Variants in PON1 observed in about 807,000 individuals in gnomAD.
PON1 encodes the protein paraoxonase 1, also known as serum paraoxonase/arylesterase 1.
In PON1, 37 loss-of-function variants were observed where a neutral mutation model predicts 39.2. The ratio of observed to expected loss-of-function variants is 0.94; its 90% CI spans 0.73 to 1.24. The LOEUF is 1.24. Among genes scored for constraint, PON1 ranks in the 50% most tolerant of loss-of-function variants. The probability of loss-of-function intolerance (pLI) is 0.00; values close to 1 mark genes in which losing one functional copy is unlikely to be tolerated. For missense variants in PON1, 397 were observed against 413.5 expected, an observed-to-expected ratio of 0.96 and a Z score of 0.35; for synonymous variants, 148 against 152.2, an observed-to-expected ratio of 0.97 and a Z score of 0.21.
intron 6 of PON1, among the ~76,000 whole-genome samples, chr7:95,306,914 A>C (rs566602414): frequency 6.2e-4 from 95 of 152,104 alleles, no homozygotes; most frequent in Middle Eastern, 3.4e-3. Flanking sequence ...AGCACTGTGC[A>C]TCCCCCCAAC....
At chr7:95,307,313 G>A (rs978440036) in intron 6 of PON1, among the ~76,000 whole-genome samples, 12 of 151,946 alleles carry the variant, frequency 7.9e-5, no homozygotes, top group Admixed American at 3.3e-4. Flanking sequence ...TTGGCCTCCC[G>A]AAGTGCTAGG....
intron 7 of PON1, among the ~76,000 whole-genome samples, chr7:95,302,681 T>C (rs1807462253): frequency 6.6e-6 from 1 of 151,922 alleles, no homozygotes; most frequent in South Asian, 2.1e-4. Context: ...CCTTCTAAAA[T>C]GGCATGTGGT....
intron 1 of PON1, among the ~76,000 whole-genome samples, chr7:95,322,992 C>A (rs1183418350): frequency 1.3e-5 from 2 of 152,208 alleles, no homozygotes; most frequent in African/African-American, 2.4e-5. Flanking sequence ...TGGCTTGCTC[C>A]TGATGCAGGC....
chr7:95,324,479 CG>C lies in PON1; in HGVS notation c.-5del. ...TGAGCGCAATCAGCTTCGCCATGGTCGGGGATAGACAAAGGGATCGATGGGC... is the reference window on the plus strand; with the variant it reads ...TGAGCGCAATCAGCTTCGCCATGGTCGGGATAGACAAAGGGATCGATGGGC... On this transcript the variant is annotated 5_prime_UTR_variant, in exon 1 of 9. Transcript: ENST00000222381. 3.1e-6 allele frequency: 5 copies of C among 1,613,872 alleles called. No individual in the cohort carries two copies. Among genetic ancestry groups the C allele is most frequent in the Non-Finnish European group, 4.2e-6 (5 of 1,179,892 alleles).
intron 1 of PON1, among the ~76,000 whole-genome samples, chr7:95,319,567 T>C (rs1277838559): frequency 1.3e-5 from 2 of 152,116 alleles, no homozygotes. Context: ...GATGAATGAA[T>C]AGATGATGAA....
At chr7:95,323,768 C>T (rs1244161382) in intron 1 of PON1, among the ~76,000 whole-genome samples, 1 of 152,156 alleles carries the variant, frequency 6.6e-6, no homozygotes, top group Non-Finnish European at 1.5e-5. Context: ...ACTGAAGCAG[C>T]TAAGGTTAGA....
intron 8 of PON1, among the ~76,000 whole-genome samples, chr7:95,300,119 A>G (rs976454333): frequency 1.3e-5 from 2 of 152,364 alleles, no homozygotes; most frequent in African/African-American, 2.4e-5. Flanking sequence ...ATGTGATTGT[A>G]TCAATAATAA....
chr7:95,305,185 C>T (rs1807513714), intron 7 of PON1, among the ~76,000 whole-genome samples: 1 of 152,188 alleles, frequency 6.6e-6, no homozygotes, highest in Admixed American at 6.5e-5. Flanking sequence ...CTGACAGGAA[C>T]AGTCATACAA....
chr7:95,321,085 G>A (rs1807886532), intron 1 of PON1, among the ~76,000 whole-genome samples: 1 of 152,240 alleles, frequency 6.6e-6, no homozygotes, highest in African/African-American at 2.4e-5. Context: ...TACTCACAGA[G>A]ATCATGGGAT....
chr7:95,302,505 A>G, intron 7 of PON1, 172 bp from the exon 8 acceptor site: 1 of 619,186 alleles, frequency 1.6e-6, no homozygotes, highest in Non-Finnish European at 2.8e-6. Context: ...CTGACCTTTC[A>G]TCTATGCTAG....
At chr7:95,318,584 T>C (rs2116324103) in intron 1 of PON1, 191 bp from the exon 2 acceptor site, 1 of 560,442 alleles carries the variant, frequency 1.8e-6, no homozygotes, top group South Asian at 1.9e-5. Context: ...AATATTTAGT[T>C]TTTATTTAGC....
At position 95,298,878 on chromosome 7, in the gene PON1, C is replaced by T; in HGVS notation, c.*66G>A. The T allele has an allele frequency of 2.5e-6, 4 of 1,591,646 alleles. No individual in the cohort carries two copies. In the South Asian group the frequency reaches 3.3e-5, roughly 13 times the overall value. ...ATTGTTCAGCTAAGAACACTGGGTC[C>T]TCGGAATATGGCAAGCGGTTGAAAT... On this transcript the variant is annotated 3_prime_UTR_variant, in exon 9 of 9. Coordinates refer to ENST00000222381, the MANE Select transcript of PON1 (RefSeq NM_000446.7).
chr7:95,322,832 G>A (rs1428105491), intron 1 of PON1, among the ~76,000 whole-genome samples: 1 of 152,118 alleles, frequency 6.6e-6, no homozygotes, highest in Non-Finnish European at 1.5e-5. Context: ...TCTCTGTACT[G>A]CTCCCACCTG....
intron 1 of PON1, among the ~76,000 whole-genome samples, chr7:95,323,387 C>T (rs1807942733): frequency 6.6e-6 from 1 of 152,116 alleles, no homozygotes; most frequent in South Asian, 2.1e-4. Flanking sequence ...ATACCAACTG[C>T]TTCTTACTTT....
At chr7:95,313,205 C>T (rs923371616) in intron 4 of PON1, among the ~76,000 whole-genome samples, 1 of 152,212 alleles carries the variant, frequency 6.6e-6, no homozygotes. Context: ...CCTGAATTCA[C>T]ATTTTGTGCA....
chr7:95,308,506 GTGTGTATC>G (rs1055714480), intron 5 of PON1, among the ~76,000 whole-genome samples: 1 of 147,620 alleles, frequency 6.8e-6, no homozygotes, highest in African/African-American at 2.5e-5. Flanking sequence ...GTGTGTGTGT[GTGTGTATC>G]TGTGTGTGTC....
Position 95,302,288 on chromosome 7 carries a change from C to T in PON1, c.826G>A (p.Glu276Lys), listed in dbSNP as rs768335187. The stretch of plus-strand genomic sequence containing the variant: ...CATCCAACCCAAAGGTCTCCTGTCT[C>T]AGGATCCACAGATATGTTATCCACG... ...TLVDNISVDP[E>K]TGDLWVGCHP... Residue 276 changes from glutamate (E) to lysine (K), a missense_variant, in exon 8 of 9, where the codon GAG (glutamate) becomes AAG (lysine). Coordinates refer to ENST00000222381, the MANE Select transcript of PON1 (RefSeq NM_000446.7). 45 of 1,608,044 alleles carry T rather than the reference C, an allele frequency of 2.8e-5. 1 individual carries two copies. The Admixed American group carries it at 7.3e-4, about 26-fold the overall frequency.
chr7:95,302,117 A>C (rs1331823567), intron 8 of PON1, 88 bp downstream of exon 8: 3 of 778,278 alleles, frequency 3.9e-6, no homozygotes, highest in African/African-American at 2.5e-5. Flanking sequence ...AAAAAAAAAA[A>C]AAAACCAAGA....
chr7:95,298,677 T>C lies in PON1; in HGVS notation c.*267A>G. Reference sequence around the variant, plus strand: ...CACACTGTTATTTAATATCTGACAATTGACATAACTGATTTATCCATTTTA... The same window carrying C: ...CACACTGTTATTTAATATCTGACAACTGACATAACTGATTTATCCATTTTA... On this transcript the variant is annotated 3_prime_UTR_variant, in exon 9 of 9. Coordinates refer to ENST00000222381, the MANE Select transcript of PON1 (RefSeq NM_000446.7). 2 of 521,390 alleles carry C rather than the reference T, an allele frequency of 3.8e-6. No individual in the cohort carries two copies. Among genetic ancestry groups the C allele is most frequent in the South Asian group, 2.1e-5 (1 of 48,656 alleles). The allele number at this position is 521,390 out of a possible 1,614,324, so 32.3% of individuals were successfully genotyped here.
Sources: gnomAD v4.1 joint callset for allele counts (sites outside exome capture counted in the v4.1 genomes callset) on GRCh38, gnomAD v4.1.1 for gene constraint, MANE v1.5 for transcripts, NCBI Gene and HGNC (gene_info 2026-07-23, HGNC 2026-07-21) for gene names.